The following ODF2L variants were observed in gnomAD, a reference collection of about 807,000 sequenced individuals.
The protein encoded by ODF2L is outer dense fiber of sperm tails 2 like.
A neutral mutation model predicts 86.3 loss-of-function variants in ODF2L; 76 were observed. The observed-to-expected ratio is 0.88, with a 90% CI of 0.73 to 1.07. The LOEUF (loss-of-function observed/expected upper bound fraction) is 1.07, where lower values mean the gene tolerates loss of function less well. ODF2L is among the 50% of genes least tolerant of loss of function. ODF2L has a pLI of 0.00. For synonymous variants in ODF2L, 241 were observed against 231.3 expected (o/e 1.04, Z -0.38); for missense variants, 748 against 717.4 (o/e 1.04, Z -0.49).
At chr1:86,395,997 C>T (rs1570456263) in intron 1 of ODF2L, 36 bp downstream of exon 1, 1 of 152,424 alleles carries the variant, frequency 6.6e-6, no homozygotes, top group East Asian at 1.9e-4. Context: ...GCTAGGCTCC[C>T]CACAAAGTCG....
intron 8 of ODF2L, among the ~76,000 whole-genome samples, chr1:86,373,539 T>G (rs1483538692): frequency 2.7e-5 from 4 of 150,056 alleles, no homozygotes; most frequent in Non-Finnish European, 5.9e-5. Context: ...AACTACTCTA[T>G]ATATATGGTG....
At chr1:86,371,873 T>C (rs12733468) in intron 9 of ODF2L, among the ~76,000 whole-genome samples, 5,816 of 152,266 alleles carry the variant, frequency 0.038, 178 homozygotes, top group African/African-American at 0.08. Context: ...AAATATTGAA[T>C]GATAATCTAC....
chr1:86,352,262 T>C, intron 17 of ODF2L: 2 of 1,424,692 alleles, frequency 1.4e-6, no homozygotes, highest in Non-Finnish European at 1.8e-6. Context: ...TAGACAGTTA[T>C]TACGTAATTT....
exon 2 of ODF2L, chr1:86,386,946 G>A (rs1660997985): frequency 6.3e-7 from 1 of 1,595,088 alleles, no homozygotes. Context: ...GTACACCGTG[G>A]TAAATCTTCT....
At chr1:86,389,574 A>C (rs1661173027) in intron 1 of ODF2L, among the ~76,000 whole-genome samples, 1 of 151,864 alleles carries the variant, frequency 6.6e-6, no homozygotes, top group Non-Finnish European at 1.5e-5. Context: ...GAAAAAAAAA[A>C]AAAATACAAA....
intron 2 of ODF2L, 153 bp from the exon 3 acceptor site, chr1:86,385,743 A>G: frequency 2.0e-6 from 1 of 494,194 alleles, no homozygotes; most frequent in East Asian, 3.1e-5. Flanking sequence ...GTGTAAGCAA[A>G]TTTTAAGAAT....
downstream of ODF2L, chr1:86,350,042 C>T (rs1658017048): frequency 2.2e-6 from 1 of 456,292 alleles, no homozygotes. Context: ...TAAATCTATG[C>T]TTAGAATTCT....
rs771268793 is a variant in ODF2L, at chr1:86,358,834, G to GTA, written c.1310_1311dup (p.His438TyrfsTer7). On this transcript the variant is annotated frameshift_variant, in exon 13 of 18. Transcript: ENST00000317336. LOFTEE classifies it high-confidence loss of function. ...GTTTTTGTTATTTGGTTATTTTTAT[G>GTA]TAGCAAATTTTCACATCTGCTTTTT... The GTA allele has an allele frequency of 2.6e-6, 4 of 1,545,386 alleles. No homozygotes were observed. The highest frequency in any genetic ancestry group is 3.7e-5 in the Admixed American group (2 of 53,384).
At chr1:86,395,533 C>G (rs1282328644) in intron 1 of ODF2L, among the ~76,000 whole-genome samples, 1 of 152,144 alleles carries the variant, frequency 6.6e-6, no homozygotes, top group African/African-American at 2.4e-5. Flanking sequence ...CTAGGTCAAT[C>G]CCGCACTACA....
intron 1 of ODF2L, among the ~76,000 whole-genome samples, chr1:86,392,314 C>G (rs1201766087): frequency 6.6e-6 from 1 of 152,108 alleles, no homozygotes. Flanking sequence ...ACCATTTGAT[C>G]CAGCAATCCC....
At chr1:86,368,468 A>G (rs960101763) in intron 11 of ODF2L, among the ~76,000 whole-genome samples, 7 of 152,188 alleles carry the variant, frequency 4.6e-5, no homozygotes, top group Non-Finnish European at 1.0e-4. Flanking sequence ...AAGAATAAAA[A>G]TAGAAATTGT....
rs576297589 is a variant in ODF2L at position 86,377,050 on chromosome 1, A to T, written c.625-632T>A. 3.2e-4 allele frequency among the ~76,000 whole-genome samples: 48 copies of T among 152,334 alleles called. 1 individual carries two copies. Among genetic ancestry groups the T allele is most frequent in the Middle Eastern group, 6.8e-3 (2 of 294 alleles). ...AAGTCCCTTCTGCCTAGGAGCCAGT[A>T]AAATAAAAAGCAAGTTAATTACTTC... On this transcript the variant is annotated intron_variant, in intron 7 of 17. Transcript: ENST00000317336.
At chr1:86,347,554 G>A (rs1031202933), downstream of ODF2L, 3 of 152,080 alleles carry the variant, frequency 2.0e-5, no homozygotes, top group Non-Finnish European at 2.9e-5. Flanking sequence ...AAAATACTAC[G>A]AACCAACTGG....
chr1:86,364,610 A>G (rs1326493181), intron 11 of ODF2L, among the ~76,000 whole-genome samples: 2 of 152,160 alleles, frequency 1.3e-5, no homozygotes, highest in Non-Finnish European at 2.9e-5. Flanking sequence ...TAAAAGAATC[A>G]AGTCATATGG....
At chr1:86,386,528 G>C (rs1339144269) in intron 2 of ODF2L, 1 of 161,022 alleles carries the variant, frequency 6.2e-6, no homozygotes, top group African/African-American at 2.4e-5. Flanking sequence ...TGGGACAACA[G>C]GCACACGCTA....
intron 11 of ODF2L, among the ~76,000 whole-genome samples, chr1:86,363,067 T>C (rs528220593): frequency 6.6e-6 from 1 of 152,298 alleles, no homozygotes; most frequent in African/African-American, 2.4e-5. Context: ...TGAGAGATGA[T>C]GGAGGCTTGA....
chr1:86,378,425 A>G (rs1162402598), intron 7 of ODF2L, among the ~76,000 whole-genome samples: 1 of 152,192 alleles, frequency 6.6e-6, no homozygotes, highest in Non-Finnish European at 1.5e-5. Context: ...ACTTAGTTCC[A>G]AAGTCATTTC....
In ODF2L at chr1:86,380,269, A is replaced by C. The variant is rs566276542; in HGVS notation, c.624+1973T>G. Reference sequence around the variant, plus strand: ...AATTGAGATTAAGAAGTATATATTAAGATTTAGATTTGATTTTTTTGAAGA... The same window carrying C: ...AATTGAGATTAAGAAGTATATATTACGATTTAGATTTGATTTTTTTGAAGA... On this transcript the variant is annotated intron_variant, in intron 7 of 17. Transcript: ENST00000317336. 1.8e-4 allele frequency among the ~76,000 whole-genome samples: 28 copies of C among 152,306 alleles called. No individual in the cohort carries two copies. The South Asian group carries it at 3.1e-3, about 17-fold the overall frequency.
At chr1:86,384,823 A>T (rs766812843) in intron 3 of ODF2L, 22 bp from the exon 4 acceptor site, 73 of 1,478,662 alleles carry the variant, frequency 4.9e-5, no homozygotes, top group Non-Finnish European at 6.4e-5. Flanking sequence ...TAAGAACCAC[A>T]TACACATTTT....
Sources: allele counts gnomAD v4.1 joint callset (sites outside exome capture counted in the v4.1 genomes callset), GRCh38; gene constraint gnomAD v4.1.1; transcripts MANE v1.5; gene names NCBI Gene and HGNC (gene_info 2026-07-23, HGNC 2026-07-21).